Variants in PDE10A observed in about 807,000 individuals in gnomAD.
PDE10A encodes phosphodiesterase 10A.
PDE10A carries 39 observed loss-of-function variants against 97.7 expected under a neutral mutation model. The ratio of observed to expected loss-of-function variants is 0.40; its 90% CI spans 0.31 to 0.52. The LOEUF (loss-of-function observed/expected upper bound fraction) is 0.52, where lower values mean the gene tolerates loss of function less well. Among genes scored for constraint, PDE10A ranks in the 20% least tolerant of loss-of-function variants. The pLI, the probability that PDE10A is intolerant of heterozygous loss-of-function variation, is 0.56. For missense variants in PDE10A, 731 were observed against 1,047.8 expected (o/e 0.70, Z 4.17); for synonymous variants, 371 against 376.8 (o/e 0.98, Z 0.18).
rs181191949 is a variant in PDE10A, at chr6:165,881,595, G to A, written c.-615+105934C>T. 1.6e-3 allele frequency among the ~76,000 whole-genome samples: 238 copies of A among 149,048 alleles called. 2 individuals are homozygous for A. The highest frequency in any genetic ancestry group is 5.7e-3 in the African/African-American group (231 of 40,522). On this transcript the variant is annotated intron_variant, in intron 1 of 19. Transcript: ENST00000366882. ...TTTTTTTTTTGTATTTTTAGAGGTGGGGTTTCACCATGTTGGCCAGGATGG... is the reference window on the plus strand; with the variant it reads ...TTTTTTTTTTGTATTTTTAGAGGTGAGGTTTCACCATGTTGGCCAGGATGG...
intron 13 of PDE10A, among the ~76,000 whole-genome samples, chr6:165,409,323 G>C (rs996039349): frequency 1.3e-5 from 2 of 152,154 alleles, no homozygotes; most frequent in Non-Finnish European, 2.9e-5. Flanking sequence ...GAGGCAGGCG[G>C]ATCACCTGAC....
chr6:165,768,561 C>T (rs529551090), intron 1 of PDE10A, among the ~76,000 whole-genome samples: 4 of 152,106 alleles, frequency 2.6e-5, no homozygotes, highest in East Asian at 1.9e-4. Context: ...TTTTTAATAA[C>T]GTTTGAACAC....
chr6:165,730,162 CAA>C (rs5881655), intron 1 of PDE10A, among the ~76,000 whole-genome samples: 27 of 145,560 alleles, frequency 1.9e-4, no homozygotes, highest in African/African-American at 3.2e-4. Context: ...GATCCCCCTT[CAA>C]AAAAAAAAAG....
chr6:165,719,798 T>A (rs1052162451), intron 1 of PDE10A, among the ~76,000 whole-genome samples: 4 of 152,174 alleles, frequency 2.6e-5, no homozygotes, highest in African/African-American at 9.7e-5. Flanking sequence ...ACTAAAAAAC[T>A]AAGCACATGA....
intron 1 of PDE10A, among the ~76,000 whole-genome samples, chr6:165,619,022 GCA>G (rs1245385159): frequency 1.1e-3 from 126 of 113,534 alleles, no homozygotes; most frequent in Middle Eastern, 4.5e-3. Context: ...GTGTAGTCTA[GCA>G]TAGTCTAGTG....
intron 1 of PDE10A, among the ~76,000 whole-genome samples, chr6:165,822,672 C>A (rs1779607822): frequency 6.6e-6 from 1 of 151,570 alleles, no homozygotes; most frequent in Non-Finnish European, 1.5e-5. Context: ...GAGCAAGTTG[C>A]TCTGGGTGAG....
At chr6:165,958,516 A>G (rs1167345577) in intron 1 of PDE10A, among the ~76,000 whole-genome samples, 1 of 12,100 alleles carries the variant, frequency 8.3e-5, no homozygotes, top group Non-Finnish European at 1.5e-4. Context: ...AAAGAAAGAA[A>G]GAAAGAAAGA....
intron 1 of PDE10A, among the ~76,000 whole-genome samples, chr6:165,874,047 T>G (rs1181020397): frequency 6.6e-6 from 1 of 152,154 alleles, no homozygotes; most frequent in African/African-American, 2.4e-5. Context: ...CAACATTTTG[T>G]GAGAAAATGA....
chr6:165,471,339 A>T (rs537257227), intron 3 of PDE10A, among the ~76,000 whole-genome samples: 1 of 152,186 alleles, frequency 6.6e-6, no homozygotes, highest in African/African-American at 2.4e-5. Context: ...CTGTCAAGTG[A>T]TCTCATCTGG....
intron 3 of PDE10A, among the ~76,000 whole-genome samples, chr6:165,468,571 T>C (rs1005529287): frequency 6.6e-6 from 1 of 152,190 alleles, no homozygotes; most frequent in Non-Finnish European, 1.5e-5. Flanking sequence ...CAATACCTTC[T>C]AGGTATGATT....
chr6:165,629,018 T>C (rs1192138578), intron 1 of PDE10A, among the ~76,000 whole-genome samples: 1 of 152,120 alleles, frequency 6.6e-6, no homozygotes, highest in Non-Finnish European at 1.5e-5. Flanking sequence ...TTTATGGGTT[T>C]TTTTTTTAAT....
At chr6:165,608,857 A>G (rs1583637517) in intron 1 of PDE10A, among the ~76,000 whole-genome samples, 1 of 152,212 alleles carries the variant, frequency 6.6e-6, no homozygotes, top group Non-Finnish European at 1.5e-5. Context: ...TTTCTCTGAT[A>G]GCCAGTGATG....
intron 1 of PDE10A, among the ~76,000 whole-genome samples, chr6:165,692,275 G>C (rs1582940483): frequency 6.6e-6 from 1 of 152,310 alleles, no homozygotes. Context: ...GATTATAAAG[G>C]AGCCTGAGGC....
chr6:165,706,674 G>A (rs1304121647), intron 1 of PDE10A, among the ~76,000 whole-genome samples: 1 of 152,130 alleles, frequency 6.6e-6, no homozygotes, highest in Non-Finnish European at 1.5e-5. Flanking sequence ...AGACAAAAAA[G>A]GAAACTTGGA....
intron 1 of PDE10A, among the ~76,000 whole-genome samples, chr6:165,802,206 T>C (rs1779003894): frequency 6.6e-6 from 1 of 152,218 alleles, no homozygotes; most frequent in Non-Finnish European, 1.5e-5. Flanking sequence ...TTGGTCTCTC[T>C]TCCTTTTATC....
intron 2 of PDE10A, among the ~76,000 whole-genome samples, chr6:165,535,569 G>C (rs916260047): frequency 6.6e-6 from 1 of 151,446 alleles, no homozygotes; most frequent in African/African-American, 2.4e-5. Context: ...ATTTTCCATG[G>C]CTGAGTAGTA....
chr6:165,818,407 G>A (rs143594699), intron 1 of PDE10A, among the ~76,000 whole-genome samples: 2 of 152,280 alleles, frequency 1.3e-5, no homozygotes, highest in African/African-American at 2.4e-5. Context: ...AATGAAATGC[G>A]ACTCTGCGGG....
intron 18 of PDE10A, among the ~76,000 whole-genome samples, chr6:165,354,693 AGG>A (rs1348342989): frequency 6.6e-6 from 1 of 152,206 alleles, no homozygotes; most frequent in East Asian, 1.9e-4. Flanking sequence ...ATCTTTGAAA[AGG>A]ACAGGTGGAG....
At chr6:165,889,686 C>T (rs1360966080) in intron 1 of PDE10A, among the ~76,000 whole-genome samples, 4 of 152,158 alleles carry the variant, frequency 2.6e-5, no homozygotes. Flanking sequence ...TGTTTCCCCT[C>T]AAGTGTCCTC....
Sources: gnomAD v4.1 joint callset for allele counts (sites outside exome capture counted in the v4.1 genomes callset) on GRCh38, gnomAD v4.1.1 for gene constraint, MANE v1.5 for transcripts, NCBI Gene and HGNC (gene_info 2026-07-23, HGNC 2026-07-21) for gene names.